Variants in NUDCD1 observed in about 807,000 individuals in gnomAD.
The protein encoded by NUDCD1 is nudC domain-containing protein 1.
A neutral mutation model predicts 67.8 loss-of-function variants in NUDCD1; 60 were observed. The observed-to-expected ratio is 0.88, with a 90% CI of 0.72 to 1.10. NUDCD1 has a LOEUF of 1.10. Ranked by LOEUF, NUDCD1 falls within the 50% of genes least tolerant of loss-of-function variation. NUDCD1 has a pLI of 0.00. For synonymous variants in NUDCD1, 244 were observed against 230.8 expected (o/e 1.06, Z -0.52); for missense variants, 643 against 695.0 (o/e 0.93, Z 0.84).
intron 2 of NUDCD1, chr8:109,315,391 C>T (rs1381376786): frequency 6.6e-6 from 1 of 152,110 alleles, no homozygotes; most frequent in Non-Finnish European, 1.5e-5. Context: ...CCTGAAATTT[C>T]ATTAACCAGA....
intron 2 of NUDCD1, among the ~76,000 whole-genome samples, chr8:109,298,065 A>G (rs983151733): frequency 6.6e-6 from 1 of 152,130 alleles, no homozygotes; most frequent in Admixed American, 6.5e-5. Context: ...CCGAAACAGC[A>G]CCTTTCCTTC....
chr8:109,278,136 T>C (rs1238798615), intron 6 of NUDCD1, among the ~76,000 whole-genome samples: 1 of 152,212 alleles, frequency 6.6e-6, no homozygotes, highest in Non-Finnish European at 1.5e-5. Context: ...GCACAAGATT[T>C]AGGTTGTATT....
chr8:109,250,849 C>T (rs1813607021), intron 8 of NUDCD1, among the ~76,000 whole-genome samples: 1 of 152,108 alleles, frequency 6.6e-6, no homozygotes, highest in African/African-American at 2.4e-5. Context: ...TTCCTTTTTA[C>T]TTATTGATGG....
chr8:109,269,792 A>G (rs1814095669), intron 8 of NUDCD1, among the ~76,000 whole-genome samples: 1 of 151,768 alleles, frequency 6.6e-6, no homozygotes, highest in Non-Finnish European at 1.5e-5. Flanking sequence ...TTCAGTAATA[A>G]CACTAGATTA....
intron 9 of NUDCD1, 40 bp downstream of exon 9, chr8:109,245,282 T>A: frequency 6.4e-7 from 1 of 1,573,884 alleles, no homozygotes; most frequent in Non-Finnish European, 8.7e-7. Context: ...ATGACTGTAT[T>A]TCTGATTTCA....
chr8:109,275,567 T>C (rs1050032343), intron 6 of NUDCD1, 71 bp from the exon 7 acceptor site: 41 of 1,377,114 alleles, frequency 3.0e-5, no homozygotes, highest in Middle Eastern at 1.9e-4. Context: ...GTAGCAAACA[T>C]TGTTTGTTTC....
At chr8:109,311,556 G>GA (rs1563681331) in intron 2 of NUDCD1, among the ~76,000 whole-genome samples, 1 of 53,974 alleles carries the variant, frequency 1.9e-5, no homozygotes, top group African/African-American at 1.3e-4. Flanking sequence ...AAGAAACTGT[G>GA]GTGTATATAT....
intron 8 of NUDCD1, among the ~76,000 whole-genome samples, chr8:109,270,491 G>T (rs1814124129): frequency 6.6e-6 from 1 of 152,052 alleles, no homozygotes; most frequent in Non-Finnish European, 1.5e-5. Context: ...TCATTAATTT[G>T]AATTCTGTAA....
intron 2 of NUDCD1, among the ~76,000 whole-genome samples, chr8:109,305,858 C>G (rs947608952): frequency 6.6e-6 from 1 of 152,142 alleles, no homozygotes; most frequent in Non-Finnish European, 1.5e-5. Context: ...CGTCAGCCAG[C>G]CAGCCTGATT....
chr8:109,252,918 A>C (rs538340347), intron 8 of NUDCD1, among the ~76,000 whole-genome samples: 2 of 152,192 alleles, frequency 1.3e-5, no homozygotes, highest in Non-Finnish European at 2.9e-5. Flanking sequence ...TTCCTTGATC[A>C]CTATTTATTA....
In NUDCD1 at chr8:109,263,054, C is replaced by CAAAAAAAAAA. The variant is rs59659347; in HGVS notation, c.1299+7941_1299+7950dup. On this transcript the variant is annotated intron_variant, in intron 8 of 9. Coordinates refer to ENST00000239690, the MANE Select transcript of NUDCD1 (RefSeq NM_032869.4). ...CGGGGGACAGAGTGAGACTCTGTCTCAAAAAAAAAAAAAAAAAAAAAAAAA... is the reference window on the plus strand; with the variant it reads ...CGGGGGACAGAGTGAGACTCTGTCTCAAAAAAAAAAAAAAAAAAAAAAAAAAAAAAAAAAA... Among the ~76,000 whole-genome samples the CAAAAAAAAAA allele has an allele frequency of 7.4e-4, 31 of 42,008 alleles. 1 individual carries two copies. Among genetic ancestry groups the CAAAAAAAAAA allele is most frequent in the East Asian group, 6.6e-3 (6 of 910 alleles). 27.6% of individuals were successfully genotyped at this position (42,008 alleles called of 152,430 possible).
At position 109,334,083 on chromosome 8, in the gene NUDCD1, A is replaced by G. The variant is rs1417869868; in HGVS notation, c.-73T>C. 19 of 1,598,466 alleles carry G rather than the reference A, an allele frequency of 1.2e-5. No individual in the cohort carries two copies. Among genetic ancestry groups the G allele is most frequent in the Non-Finnish European group, 1.6e-5 (19 of 1,171,474 alleles). On this transcript the variant is annotated 5_prime_UTR_variant, in exon 1 of 10. Coordinates refer to ENST00000239690, the MANE Select transcript of NUDCD1 (RefSeq NM_032869.4). ...GGTCCGCGCTTCACGCCTCGCACAGAGACTGGGAAGCGGCGTGGTTCCCAT... is the reference window on the plus strand; with the variant it reads ...GGTCCGCGCTTCACGCCTCGCACAGGGACTGGGAAGCGGCGTGGTTCCCAT...
At chr8:109,281,703 A>C (rs920288976) in intron 5 of NUDCD1, among the ~76,000 whole-genome samples, 10 of 152,198 alleles carry the variant, frequency 6.6e-5, no homozygotes, top group Admixed American at 1.3e-4. Flanking sequence ...ATCACAGTGC[A>C]GCCAGGCCCT....
chr8:109,266,536 G>A (rs1361839519), intron 8 of NUDCD1, among the ~76,000 whole-genome samples: 4 of 151,456 alleles, frequency 2.6e-5, no homozygotes, highest in Middle Eastern at 3.4e-3. Context: ...GAGCCACCTC[G>A]CCCGGCTATT....
At chr8:109,247,257 TAAAC>T (rs1813519736) in intron 8 of NUDCD1, among the ~76,000 whole-genome samples, 1 of 151,904 alleles carries the variant, frequency 6.6e-6, no homozygotes, top group Non-Finnish European at 1.5e-5. Flanking sequence ...AGAAGAAAAA[TAAAC>T]AACAGCTAAA....
intron 2 of NUDCD1, among the ~76,000 whole-genome samples, chr8:109,301,502 G>A (rs376733069): frequency 1.3e-5 from 2 of 152,184 alleles, no homozygotes. Context: ...CAGACATTTG[G>A]TGCCGAAGAC....
chr8:109,243,393 A>G, intron 9 of NUDCD1, 92 bp from the exon 10 acceptor site: 1 of 1,066,160 alleles, frequency 9.4e-7, no homozygotes, highest in Non-Finnish European at 1.3e-6. Context: ...TGCAATGTTT[A>G]TTACAAATTA....
intron 5 of NUDCD1, among the ~76,000 whole-genome samples, chr8:109,283,905 A>G (rs1474663965): frequency 1.3e-5 from 2 of 152,130 alleles, no homozygotes; most frequent in South Asian, 2.1e-4. Flanking sequence ...TCATGATAGA[A>G]TCAAAACTTC....
At chr8:109,306,205 A>G (rs1815099124) in intron 2 of NUDCD1, among the ~76,000 whole-genome samples, 1 of 152,266 alleles carries the variant, frequency 6.6e-6, no homozygotes, top group Middle Eastern at 3.4e-3. Flanking sequence ...ACTAGCCCCA[A>G]TCCACCACTC....
Sources: gnomAD v4.1 joint callset for allele counts (sites outside exome capture counted in the v4.1 genomes callset) on GRCh38, gnomAD v4.1.1 for gene constraint, MANE v1.5 for transcripts, NCBI Gene and HGNC (gene_info 2026-07-23, HGNC 2026-07-21) for gene names.